Variants in CLIC2 observed in about 807,000 individuals in gnomAD.
The protein encoded by CLIC2 is CLIC family member 2, also known as chloride intracellular channel protein 2.
Under a neutral mutation model 14.8 loss-of-function variants are expected in CLIC2, and 9 were observed. That is an observed-to-expected ratio of 0.61 (90% CI 0.37 to 1.06). CLIC2 has a LOEUF of 1.06. CLIC2 is among the 50% of genes least tolerant of loss of function. The pLI, the probability that CLIC2 is intolerant of heterozygous loss-of-function variation, is 0.01. For missense variants in CLIC2, 148 were observed against 181.4 expected (o/e 0.82, Z 1.06); for synonymous variants, 61 against 66.3 (o/e 0.92, Z 0.39).
At chrX:155,329,317 G>T (rs141805269) in intron 1 of CLIC2, among the ~76,000 whole-genome samples, 1 of 108,795 alleles carries the variant, frequency 9.2e-6, no homozygotes, top group Non-Finnish European at 1.9e-5. Context: ...TTCCTCAAAA[G>T]AAGATATACA....
At chrX:155,283,352 G>C (rs1013720953) in intron 3 of CLIC2, among the ~76,000 whole-genome samples, 1 of 111,818 alleles carries the variant, frequency 8.9e-6, no homozygotes, top group African/African-American at 3.3e-5. Context: ...TTGTTTTATT[G>C]AGTATTTTAT....
At chrX:155,328,343 A>T (rs2075145564) in intron 1 of CLIC2, among the ~76,000 whole-genome samples, 1 of 111,424 alleles carries the variant, frequency 9.0e-6, no homozygotes, top group African/African-American at 3.3e-5. Context: ...AAAATCAGTG[A>T]CATTTCTATA....
At position 155,330,344 on chromosome X, in the gene CLIC2, ATTAAAG is replaced by A. The variant is rs782585124; in HGVS notation, c.57+4021_57+4026del. Among the ~76,000 whole-genome samples the A allele has an allele frequency of 1.9e-4, 21 of 111,585 alleles. No homozygotes were observed. In the South Asian group the frequency reaches 4.1e-3, roughly 22 times the overall value. On this transcript the variant is annotated intron_variant, in intron 1 of 5. Transcript: ENST00000369449. ...TACTATGTACTCACAAAAATTAAAAATTAAAGTTAAAGAACAATTAAAATGGGGAAG... is the reference window on the plus strand; with the variant it reads ...TACTATGTACTCACAAAAATTAAAAATTAAAGAACAATTAAAATGGGGAAG...
Position 155,296,077 on chromosome X carries a change from G to A in CLIC2, c.293+2708C>T, listed in dbSNP as rs1288458600. On this transcript the variant is annotated intron_variant, in intron 3 of 5. Coordinates refer to ENST00000369449, the MANE Select transcript of CLIC2 (RefSeq NM_001289.6). ...TAGCCAAAGCAATTCTGAGCAAAAA[G>A]AACAAAGCTAGAGGCATCACATTAC... Among the ~76,000 whole-genome samples, 3 of 111,773 alleles carry A rather than the reference G, an allele frequency of 2.7e-5. No homozygotes were observed. The Admixed American group carries it at 2.8e-4, about 11-fold the overall frequency.
Position 155,277,208 on chromosome X carries a change from A to AAAAG in CLIC2, c.*691_*694dup, listed in dbSNP as rs782225748. 1 of 112,456 alleles carries AAAAG rather than the reference A, an allele frequency of 8.9e-6. No individual in the cohort carries two copies. Among genetic ancestry groups the AAAAG allele is most frequent in the Admixed American group, 9.4e-5 (1 of 10,611 alleles). The allele number at this position is 112,456 out of a possible 1,213,427, so 9.3% of individuals were successfully genotyped here. On this transcript the variant is annotated 3_prime_UTR_variant, in exon 6 of 6. Transcript: ENST00000369449. ...TATTTTCCTTTTCATTTCTATGAAT[A>AAAAG]AAAGATTCAGTTGACTTTGTTTCTT...
At position 155,298,779 on chromosome X, in the gene CLIC2, C is replaced by A; in HGVS notation, c.293+6G>T. On this transcript the variant is annotated splice_donor_region_variant and intron_variant, in intron 3 of 5. Transcript: ENST00000369449. The stretch of plus-strand genomic sequence containing the variant: ...TCAGCAAAATAGTATCTTGTAAATG[C>A]TGTACCTTGGAGGAGCCAGGGTTTG... The A allele has an allele frequency of 1.7e-6, 2 of 1,209,567 alleles. No individual in the cohort carries two copies. Among genetic ancestry groups the A allele is most frequent in the Non-Finnish European group, 2.2e-6 (2 of 894,104 alleles).
intron 1 of CLIC2, among the ~76,000 whole-genome samples, chrX:155,333,270 G>A (rs1404402963): frequency 9.0e-6 from 1 of 111,045 alleles, no homozygotes; most frequent in Non-Finnish European, 1.9e-5. Flanking sequence ...TAGTTTTAGA[G>A]GCAAGTTACT....
rs2075167794 is a variant in CLIC2, at chrX:155,334,527, G to A, written c.-100C>T. 6 of 731,059 alleles carry A rather than the reference G, an allele frequency of 8.2e-6. No homozygotes were observed. In the Admixed American group the frequency reaches 1.4e-4, roughly 17 times the overall value. The allele number at this position is 731,059 out of a possible 1,213,427, so 60.2% of individuals were successfully genotyped here. On this transcript the variant is annotated 5_prime_UTR_variant, in exon 1 of 6. Transcript: ENST00000369449. Reference sequence around the variant, plus strand: ...TTTATCCAAAGACTCAAGTAATGTTGGTGCTTTAAGAAGACCGTCTAGCTT... The same window carrying A: ...TTTATCCAAAGACTCAAGTAATGTTAGTGCTTTAAGAAGACCGTCTAGCTT...
At chrX:155,328,005 A>C (rs2075144346) in intron 1 of CLIC2, among the ~76,000 whole-genome samples, 1 of 111,221 alleles carries the variant, frequency 9.0e-6, no homozygotes, top group East Asian at 2.8e-4. Flanking sequence ...TAGAGGGAAC[A>C]TACCTCAACA....
At position 155,334,478 on chromosome X, in the gene CLIC2, A is replaced by AG; in HGVS notation, c.-52_-51insC. On this transcript the variant is annotated 5_prime_UTR_variant, in exon 1 of 6. Transcript: ENST00000369449. ...CCTCCTGCCTCCTGTAGAGTCCACA[A>AG]TACTTGTAGACTCTTTTCTCAATTT... 5.1e-6 allele frequency: 5 copies of AG among 986,500 alleles called. No homozygotes were observed. Among genetic ancestry groups the AG allele is most frequent in the Non-Finnish European group, 7.2e-6 (5 of 690,713 alleles). 81.3% of individuals were successfully genotyped at this position (986,500 alleles called of 1,213,427 possible).
intron 1 of CLIC2, among the ~76,000 whole-genome samples, chrX:155,323,243 C>T (rs1244195427): frequency 1.8e-5 from 2 of 111,595 alleles, no homozygotes; most frequent in African/African-American, 3.3e-5. Context: ...GAAAATTTCA[C>T]GCCAATATCC....
intron 5 of CLIC2, among the ~76,000 whole-genome samples, 178 bp from the exon 6 acceptor site, chrX:155,278,242 T>G (rs1470223714): frequency 8.9e-6 from 1 of 112,059 alleles, no homozygotes; most frequent in Non-Finnish European, 1.9e-5. Flanking sequence ...CTACAAATGT[T>G]GACAAAACTA....
chrX:155,313,828 C>T (rs955552506), intron 1 of CLIC2, among the ~76,000 whole-genome samples: 5 of 111,908 alleles, frequency 4.5e-5, no homozygotes, highest in African/African-American at 6.5e-5. Flanking sequence ...GAAATAGACT[C>T]GGTGCTGTTG....
intron 1 of CLIC2, among the ~76,000 whole-genome samples, chrX:155,311,093 T>G (rs1253020150): frequency 1.8e-5 from 2 of 112,291 alleles, no homozygotes; most frequent in East Asian, 5.6e-4. Context: ...TGGAGACATT[T>G]TCCCCATTGT....
chrX:155,318,128 C>T (rs782781761), intron 1 of CLIC2, among the ~76,000 whole-genome samples: 1 of 111,471 alleles, frequency 9.0e-6, no homozygotes, highest in South Asian at 3.8e-4. Context: ...TGAAAGCATT[C>T]CCCCTGAGAA....
At chrX:155,289,318 T>G (rs1427818470) in intron 3 of CLIC2, among the ~76,000 whole-genome samples, 2 of 111,851 alleles carry the variant, frequency 1.8e-5, no homozygotes, top group Non-Finnish European at 3.8e-5. Context: ...ACATGAAGTA[T>G]TCTAGCTTCC....
intron 1 of CLIC2, among the ~76,000 whole-genome samples, chrX:155,314,554 AC>A (rs1267965863): frequency 5.4e-5 from 6 of 111,329 alleles, no homozygotes; most frequent in African/African-American, 2.0e-4. Context: ...TCAAGGGACC[AC>A]CCCGTGGGAG....
chrX:155,311,122 G>C (rs1386298701), intron 1 of CLIC2, among the ~76,000 whole-genome samples: 4 of 112,222 alleles, frequency 3.6e-5, no homozygotes, highest in Non-Finnish European at 5.6e-5. Flanking sequence ...TTAACATTCT[G>C]CTCCTTGTTA....
chrX:155,290,477 C>A (rs1178562704), intron 3 of CLIC2: 3 of 528,341 alleles, frequency 5.7e-6, no homozygotes, highest in Non-Finnish European at 1.0e-5. Flanking sequence ...AACTAATCCT[C>A]ATTGTCTATC....
Sources: gnomAD v4.1 joint callset for allele counts (sites outside exome capture counted in the v4.1 genomes callset) on GRCh38, gnomAD v4.1.1 for gene constraint, MANE v1.5 for transcripts, NCBI Gene and HGNC (gene_info 2026-07-23, HGNC 2026-07-21) for gene names.